Variants in UGT2B4 observed in about 807,000 individuals in gnomAD.
The protein encoded by UGT2B4 is UDP glucuronosyltransferase family 2 member B4.
UGT2B4 carries 49 observed loss-of-function variants against 49.8 expected under a neutral mutation model. That is an observed-to-expected ratio of 0.98 (90% CI 0.78 to 1.25). The LOEUF is 1.25. Among genes scored for constraint, UGT2B4 ranks in the 50% most tolerant of loss-of-function variants. The pLI is 0.00. For missense variants in UGT2B4, 729 were observed against 627.7 expected (o/e 1.16, Z -1.73); for synonymous variants, 246 against 217.7 (o/e 1.13, Z -1.14).
At chr4:69,523,964 C>T (rs1348451849) in intron 1 of UGT2B4, among the ~76,000 whole-genome samples, 1 of 152,064 alleles carries the variant, frequency 6.6e-6, no homozygotes, top group Middle Eastern at 3.2e-3. Context: ...TGTCTGCTAG[C>T]TTCCAACTTT....
chr4:69,481,091 G>GAAAAAAAAAAAAAAAAAAAA, intron 5 of UGT2B4, among the ~76,000 whole-genome samples, 181 bp from the exon 6 acceptor site: 1 of 67,824 alleles, frequency 1.5e-5, no homozygotes, highest in Non-Finnish European at 2.6e-5. Flanking sequence ...GTAAAAATAT[G>GAAAAAAAAAAAAAAAAAAAA]AAAAAAAAAA....
upstream of UGT2B4, among the ~76,000 whole-genome samples, chr4:69,500,659 AAG>A (rs1306259244): frequency 1.2e-4 from 14 of 119,284 alleles, no homozygotes; most frequent in Non-Finnish European, 2.4e-4. Context: ...GAAAGAAAGA[AAG>A]AAAGAAAGGA....
intron 1 of UGT2B4, among the ~76,000 whole-genome samples, chr4:69,504,503 G>A (rs989596838): frequency 2.0e-5 from 3 of 152,098 alleles, no homozygotes; most frequent in African/African-American, 4.8e-5. Flanking sequence ...AAATCTCAGA[G>A]CTTGAAGACT....
At chr4:69,500,645 G>T (rs1303010114), upstream of UGT2B4, among the ~76,000 whole-genome samples, 1 of 140,032 alleles carries the variant, frequency 7.1e-6, no homozygotes, top group Non-Finnish European at 1.6e-5. Context: ...AAGAAAGAAA[G>T]AAAGAAAGAA....
At chr4:69,489,385 A>G in intron 3 of UGT2B4, 54 bp downstream of exon 3, 1 of 1,595,420 alleles carries the variant, frequency 6.3e-7, no homozygotes, top group Non-Finnish European at 8.5e-7. Flanking sequence ...TTCTTTACAA[A>G]CTTTAACAGC....
intron 1 of UGT2B4, among the ~76,000 whole-genome samples, chr4:69,507,606 T>C (rs189975692): frequency 2.6e-5 from 4 of 151,984 alleles, no homozygotes; most frequent in Admixed American, 1.3e-4. Context: ...TCCATGCTCA[T>C]GAATAGGAAG....
chr4:69,518,235 A>G (rs1728775984), intron 1 of UGT2B4: 1 of 153,102 alleles, frequency 6.5e-6, no homozygotes, highest in Non-Finnish European at 1.5e-5. Flanking sequence ...GTGTGAGTCA[A>G]CACTGTTACC....
chr4:69,516,506 CT>C (rs1366162288), intron 1 of UGT2B4, among the ~76,000 whole-genome samples: 1 of 152,128 alleles, frequency 6.6e-6, no homozygotes, highest in African/African-American at 2.4e-5. Flanking sequence ...TGTTTTTTGA[CT>C]TTTTAATAAT....
intron 1 of UGT2B4, among the ~76,000 whole-genome samples, chr4:69,520,739 C>G (rs1728829453): frequency 6.6e-6 from 1 of 152,138 alleles, no homozygotes; most frequent in African/African-American, 2.4e-5. Context: ...TAAATGGGGA[C>G]TGAGGATGGC....
At position 69,495,644 on chromosome 4, in the gene UGT2B4, T is replaced by C; in HGVS notation, c.218A>G (p.Lys73Arg). ...SFDPNSPSTLKFEVYPVSLTK... is the reference protein window; with the variant it reads ...SFDPNSPSTLRFEVYPVSLTK... ...TAAAGATACAGGATAAACTTCAAAT[T>C]TAAGAGTAGATGGGCTGTTGGGATC... is the stretch of plus-strand genomic sequence containing the variant. Residue 73 changes from lysine to arginine, a missense_variant, in exon 1 of 6, where the codon AAA (lysine) becomes AGA (arginine). Coordinates refer to ENST00000305107, the MANE Select transcript of UGT2B4 (RefSeq NM_021139.3). 1 of 1,613,950 alleles carries C rather than the reference T, an allele frequency of 6.2e-7. No homozygotes were observed. Among genetic ancestry groups the C allele is most frequent in the Non-Finnish European group, 8.5e-7 (1 of 1,179,960 alleles).
At position 69,480,876 on chromosome 4, in the gene UGT2B4, G is replaced by T; in HGVS notation, c.1345C>A (p.His449Asn). The change falls in exon 6 of 6, where the codon CAT (histidine) becomes AAT (asparagine). Residue 449 changes from histidine (H) to asparagine (N), a missense_variant. Coordinates refer to ENST00000305107, the MANE Select transcript of UGT2B4 (RefSeq NM_021139.3). ...AGGGGCTTCACTGGTTGATCATGAT[G>T]AATTCTTGATAATTTCATAGCATTC... ...KENAMKLSRI[H>N]HDQPVKPLDR... The T allele has an allele frequency of 6.2e-7, 1 of 1,613,788 alleles. No homozygotes were observed. Among genetic ancestry groups the T allele is most frequent in the Non-Finnish European group, 8.5e-7 (1 of 1,179,810 alleles).
At chr4:69,491,405 T>C (rs1442629389) in intron 2 of UGT2B4, among the ~76,000 whole-genome samples, 1 of 152,098 alleles carries the variant, frequency 6.6e-6, no homozygotes, top group East Asian at 1.9e-4. Context: ...TACATCTTGA[T>C]TTATTTTTTC....
At chr4:69,525,270 A>T (rs1375214376) in intron 1 of UGT2B4, among the ~76,000 whole-genome samples, 1 of 152,162 alleles carries the variant, frequency 6.6e-6, no homozygotes, top group Non-Finnish European at 1.5e-5. Flanking sequence ...TAGACTAAGT[A>T]TGAGACCATA....
chr4:69,486,481 A>G, intron 4 of UGT2B4, 128 bp downstream of exon 4: 1 of 574,438 alleles, frequency 1.7e-6, no homozygotes, highest in East Asian at 3.8e-5. Flanking sequence ...GAAAATAAAT[A>G]TAAAGAAGTT....
intron 1 of UGT2B4, among the ~76,000 whole-genome samples, chr4:69,503,023 G>T (rs527547829): frequency 2.6e-4 from 40 of 152,266 alleles, no homozygotes; most frequent in African/African-American, 8.2e-4. Context: ...GGAGCAGTAA[G>T]CCAGCTGATG....
upstream of UGT2B4, among the ~76,000 whole-genome samples, chr4:69,499,624 C>A (rs1212227953): frequency 2.0e-5 from 3 of 152,124 alleles, no homozygotes; most frequent in African/African-American, 7.2e-5. Context: ...TAATAGCCTT[C>A]TTTATCTTTC....
intron 1 of UGT2B4, among the ~76,000 whole-genome samples, chr4:69,517,345 A>C (rs1728756652): frequency 6.6e-6 from 1 of 152,204 alleles, no homozygotes; most frequent in Admixed American, 6.5e-5. Flanking sequence ...GACAGATATA[A>C]GAATGATGAC....
intron 4 of UGT2B4, among the ~76,000 whole-genome samples, chr4:69,485,970 A>G (rs1474330940): frequency 1.3e-5 from 2 of 152,240 alleles, no homozygotes; most frequent in African/African-American, 4.8e-5. Flanking sequence ...CATGTTGCCC[A>G]GGATGGTCTT....
chr4:69,494,005 T>G (rs1167541471), intron 1 of UGT2B4, among the ~76,000 whole-genome samples, 164 bp from the exon 2 acceptor site: 1 of 152,076 alleles, frequency 6.6e-6, no homozygotes, highest in East Asian at 1.9e-4. Flanking sequence ...TTTTTATGTA[T>G]TATATATTTT....
Sources: allele counts gnomAD v4.1 joint callset (sites outside exome capture counted in the v4.1 genomes callset), GRCh38; gene constraint gnomAD v4.1.1; transcripts MANE v1.5; gene names NCBI Gene and HGNC (gene_info 2026-07-23, HGNC 2026-07-21).